The following FLNA variants were observed in gnomAD, a reference collection of about 807,000 sequenced individuals.
FLNA encodes the protein filamin A.
FLNA carries 7 observed loss-of-function variants against 157.6 expected under a neutral mutation model. The ratio of observed to expected loss-of-function variants is 0.04; its 90% CI spans 0.03 to 0.08. The LOEUF (loss-of-function observed/expected upper bound fraction) is 0.08, where lower values mean the gene tolerates loss of function less well. Among genes scored for constraint, FLNA ranks in the 10% least tolerant of loss-of-function variants. FLNA has a pLI of 1.00. For synonymous variants in FLNA, 1,103 were observed against 1,060.8 expected (o/e 1.04, Z -0.77); for missense variants, 1,750 against 2,398.4 (o/e 0.73, Z 5.65).
In FLNA at chrX:154,361,952, G is replaced by GGTGA. The variant is rs2067714689; in HGVS notation, c.2826+23_2826+26dup. On this transcript the variant is annotated intron_variant, in intron 19 of 47. Coordinates refer to ENST00000369850, the MANE Select transcript of FLNA (RefSeq NM_001110556.2). ...TGCTGCATGAGGAGGCTGGGGACTCGGTGACTGTAGTGGAGGGTGTGGCTA... is the reference window on the plus strand; with the variant it reads ...TGCTGCATGAGGAGGCTGGGGACTCGGTGAGTGACTGTAGTGGAGGGTGTGGCTA... The GGTGA allele has an allele frequency of 3.3e-6, 4 of 1,203,231 alleles. No homozygotes were observed. The Admixed American group carries it at 8.7e-5, about 26-fold the overall frequency.
chrX:154,359,027 C>G lies in FLNA; in HGVS notation c.4431G>C (p.Lys1477Asn). Residue 1477 changes from lysine to asparagine, a missense_variant, in exon 26 of 48, where the codon AAG becomes AAC. Lys to Asn is a moderately conservative substitution (Grantham distance 94, BLOSUM62 0). This residue lies in a region of FLNA where 970 missense variants were observed against 1,302.6 expected (regional missense o/e 0.74). Coordinates refer to ENST00000369850, the MANE Select transcript of FLNA (RefSeq NM_001110556.2). The part of the protein sequence containing the change: ...LPQSFQVDTS[K>N]AGVAPLQVKV... ...TGACCTGCAATGGGGCCACACCAGC[C>G]TTGCTTGTGTCCACCTGGAAGGACT... 2 of 1,211,490 alleles carry G rather than the reference C, an allele frequency of 1.7e-6. No individual in the cohort carries two copies. The highest frequency in any genetic ancestry group is 3.0e-5 in the East Asian group (1 of 33,860).
At position 154,366,619 on chromosome X, in the gene FLNA, G is replaced by A. The variant is rs781823583; in HGVS notation, c.1008C>T (p.Asn336=). 1.6e-5 allele frequency: 19 copies of A among 1,210,514 alleles called. No homozygotes were observed. The highest frequency in any genetic ancestry group is 6.5e-5 in the Admixed American group (3 of 46,002). ...AGACGGAGAAGGTGCGGTTCTTGTCGTTATTGGCGGTCACTTTTGCCTGCA... is the reference window on the plus strand; with the variant it reads ...AGACGGAGAAGGTGCGGTTCTTGTCATTATTGGCGGTCACTTTTGCCTGCA... The part of the protein sequence containing the change: ...HQEEAKVTAN[N]DKNRTFSVWY... Residue 336 remains asparagine (N), a synonymous_variant, in exon 7 of 48, where the codon AAC becomes AAT. Transcript: ENST00000369850.
chrX:154,362,461 C>G lies in FLNA; in HGVS notation c.2522G>C (p.Arg841Pro), dbSNP rs201451383. Residue 841 changes from arginine to proline, a missense_variant, in exon 17 of 48, where the codon CGG becomes CCG. By Grantham distance (103) the Arg-to-Pro change is moderately radical. This residue lies in a region of FLNA where 648 missense variants were observed against 805.8 expected (regional missense o/e 0.80). Coordinates refer to ENST00000369850, the MANE Select transcript of FLNA (RefSeq NM_001110556.2). The stretch of plus-strand genomic sequence containing the variant: ...CATAATGGTGTAGCTGCCAGCCCCC[C>G]GGGGCGTGTACTTGACCGTGAAGGT... Reference protein sequence around the residue: ...NDTFTVKYTPRGAGSYTIMVL... With the variant: ...NDTFTVKYTPPGAGSYTIMVL... 8.3e-7 allele frequency: 1 copy of G among 1,211,386 alleles called. No individual in the cohort carries two copies. Among genetic ancestry groups the G allele is most frequent in the African/African-American group, 1.7e-5 (1 of 57,884 alleles).
At chrX:154,361,057 AAAAAAAAAAAAAAAAAAAAAAAG>A (rs1569551702) in intron 21 of FLNA, among the ~76,000 whole-genome samples, 9 of 84,906 alleles carry the variant, frequency 1.1e-4, no homozygotes, top group African/African-American at 3.9e-4. Flanking sequence ...AAAAAAAAAA[AAAAAAAAAAAAAAAAAAAAAAAG>A]AAAGAAAAAA....
chrX:154,364,852 C>T lies in FLNA; in HGVS notation c.1797G>A (p.Val599=), dbSNP rs781908500. The change falls in exon 12 of 48, where the codon GTG becomes GTA. Residue 599 remains valine, a synonymous_variant. Coordinates refer to ENST00000369850, the MANE Select transcript of FLNA (RefSeq NM_001110556.2). The part of the protein sequence containing the change: ...GVVGKSADFV[V]EAIGDDVGTL... ...TGCCCACGTCGTCCCCGATAGCCTC[C>T]ACCACAAAGTCTGCTGACTTGCCAA... 1.7e-6 allele frequency: 2 copies of T among 1,210,156 alleles called. No individual in the cohort carries two copies. Among genetic ancestry groups the T allele is most frequent in the Middle Eastern group, 2.3e-4 (1 of 4,355 alleles).
At chrX:154,365,023 G>A (rs1603362511) in intron 11 of FLNA, 66 bp from the exon 12 acceptor site, 4 of 1,203,668 alleles carry the variant, frequency 3.3e-6, no homozygotes, top group East Asian at 5.9e-5. Context: ...GGGCCCCACT[G>A]TGGCGGCCAG....
Position 154,358,232 on chromosome X carries a change from G to A in FLNA, c.4722C>T (p.Asp1574=), listed in dbSNP as rs1057521758. ...GGACAGCCAGCAGGCCCTCCCCGGC[G>A]TCCTTTGCATCGATGGTGAACTCCA... ...LPVEFTIDAK[D]AGEGLLAVQI... The change falls in exon 28 of 48, where the codon GAC becomes GAT. Residue 1574 remains aspartate (D), a synonymous_variant. Transcript: ENST00000369850. 4.1e-6 allele frequency: 5 copies of A among 1,209,505 alleles called. No individual in the cohort carries two copies. Among genetic ancestry groups the A allele is most frequent in the Non-Finnish European group, 4.5e-6 (4 of 895,156 alleles).
chrX:154,372,658 C>G (rs1323413198), intron 1 of FLNA, among the ~76,000 whole-genome samples: 4 of 110,701 alleles, frequency 3.6e-5, no homozygotes, highest in Admixed American at 9.5e-5. Flanking sequence ...ATGGCTTCCT[C>G]CCCATTGTGC....
rs781998888 is a variant in FLNA, at chrX:154,359,240, C to A, written c.4303+6G>T. 16 of 1,210,146 alleles carry A rather than the reference C, an allele frequency of 1.3e-5. No individual in the cohort carries two copies. The highest frequency in any genetic ancestry group is 1.2e-5 in the Non-Finnish European group (11 of 895,223). On this transcript the variant is annotated splice_donor_region_variant and intron_variant, in intron 25 of 47. Coordinates refer to ENST00000369850, the MANE Select transcript of FLNA (RefSeq NM_001110556.2). ...CCCAGCCCTGCCCTGGCCGCCACCT[C>A]CTCACCTGGCACTTGATGGCCACCA...
intron 47 of FLNA, 55 bp downstream of exon 47, chrX:154,349,307 G>A (rs991486151): frequency 1.8e-6 from 2 of 1,137,275 alleles, no homozygotes; most frequent in Non-Finnish European, 2.4e-6. Context: ...TGGCCATCCT[G>A]TGATTTCTGG....
Position 154,366,523 on chromosome X carries a change from G to A in FLNA, c.1065+39C>T, listed in dbSNP as rs1382259408. Reference sequence around the variant, plus strand: ...GTAGGGCTGGGGGCCTCCAGCCACTGCCTGAGGTCACAAGCCTCCCCCCTG... The same window carrying A: ...GTAGGGCTGGGGGCCTCCAGCCACTACCTGAGGTCACAAGCCTCCCCCCTG... On this transcript the variant is annotated intron_variant, in intron 7 of 47. Coordinates refer to ENST00000369850, the MANE Select transcript of FLNA (RefSeq NM_001110556.2). 2.5e-6 allele frequency: 3 copies of A among 1,205,624 alleles called. No homozygotes were observed. The African/African-American group carries it at 5.2e-5, about 21-fold the overall frequency.
intron 10 of FLNA, 41 bp downstream of exon 10, chrX:154,365,308 G>A: frequency 8.3e-7 from 1 of 1,211,825 alleles, no homozygotes; most frequent in Non-Finnish European, 1.1e-6. Context: ...GAACCCGGGG[G>A]CTGCCGCCAC....
At chrX:154,361,887 TGA>T (rs1352594868) in intron 19 of FLNA, 90 bp downstream of exon 19, 16 of 1,112,922 alleles carry the variant, frequency 1.4e-5, no homozygotes, top group South Asian at 7.3e-5. Context: ...AGGTAAGGAA[TGA>T]GAGTGGGCAG....
Position 154,351,870 on chromosome X carries a change from C to A in FLNA, c.6907+14G>T, listed in dbSNP as rs199934017. 723 of 1,209,191 alleles carry A rather than the reference C, an allele frequency of 6.0e-4. 2 individuals carry two copies. Among genetic ancestry groups the A allele is most frequent in the Non-Finnish European group, 7.4e-4 (658 of 894,692 alleles). On this transcript the variant is annotated intron_variant, in intron 42 of 47. Coordinates refer to ENST00000369850, the MANE Select transcript of FLNA (RefSeq NM_001110556.2). ...AGGCCCCACCTCCTCCAACCCCAGC[C>A]GGGTTCCCAGTACCTGGCTCCTGGA...
chrX:154,369,351 C>T (rs782266170), intron 2 of FLNA, among the ~76,000 whole-genome samples: 64 of 112,563 alleles, frequency 5.7e-4, no homozygotes, highest in African/African-American at 2.0e-3. Flanking sequence ...CCAGTCCAGC[C>T]TCAGACCCCT....
In FLNA at chrX:154,362,991, A is replaced by G. The variant is rs782691864; in HGVS notation, c.2281-207T>C. ...AGAAATGAAAGCAAATGTCCACGCA[A>G]ACACCTGGACTCACTGTTAACAGCA... is the stretch of plus-strand genomic sequence containing the variant. On this transcript the variant is annotated intron_variant, in intron 15 of 47. Coordinates refer to ENST00000369850, the MANE Select transcript of FLNA (RefSeq NM_001110556.2). Among the ~76,000 whole-genome samples the G allele has an allele frequency of 3.3e-4, 37 of 112,862 alleles. No homozygotes were observed. The South Asian group carries it at 0.013, about 41-fold the overall frequency.
rs2148101247 is a variant in FLNA, at chrX:154,350,092, C to T, written c.7272G>A (p.Gly2424=). The T allele has an allele frequency of 1.7e-6, 2 of 1,211,727 alleles. No individual in the cohort carries two copies. The highest frequency in any genetic ancestry group is 2.2e-6 in the Non-Finnish European group (2 of 895,270). ...SPFKIRVGEP[G]HGGDPGLVSA... ...ACACCAAGCCTGGGTCCCCTCCATG[C>T]CCAGGCTCCCCAACTCGGATCTTGA... The change falls in exon 45 of 48, where the codon GGG becomes GGA. Residue 2424 remains glycine, a synonymous_variant. Coordinates refer to ENST00000369850, the MANE Select transcript of FLNA (RefSeq NM_001110556.2).
rs1569551754 is a variant in FLNA at position 154,362,807 on chromosome X, C to T, written c.2281-23G>A. On this transcript the variant is annotated intron_variant, in intron 15 of 47. Transcript: ENST00000369850. ...CACCTGCAGGGCACAGGGGCAAGGG[C>T]AAGGGCATGAGCAGCCTGGAGGAGA... is the stretch of plus-strand genomic sequence containing the variant. 5 of 1,187,917 alleles carry T rather than the reference C, an allele frequency of 4.2e-6. No individual in the cohort carries two copies. The South Asian group carries it at 7.3e-5, about 17-fold the overall frequency.
chrX:154,366,901 T>C, intron 5 of FLNA, 51 bp from the exon 6 acceptor site: 4 of 989,501 alleles, frequency 4.0e-6, no homozygotes, highest in Non-Finnish European at 5.8e-6. Context: ...GGCCACAGCC[T>C]CACCCCTCCA....
Sources: gnomAD v4.1 joint callset for allele counts (sites outside exome capture counted in the v4.1 genomes callset) on GRCh38, gnomAD v4.1.1 for gene constraint, gnomAD v4.1.1 regional missense constraint, MANE v1.5 for transcripts, NCBI Gene and HGNC (gene_info 2026-07-23, HGNC 2026-07-21) for gene names.